The following CEP83 variants were observed in gnomAD, a reference collection of about 807,000 sequenced individuals.
CEP83 encodes the protein centrosomal protein 83.
A neutral mutation model predicts 101.9 loss-of-function variants in CEP83; 70 were observed. The ratio of observed to expected loss-of-function variants is 0.69; its 90% CI spans 0.57 to 0.84. The LOEUF is 0.84. CEP83 is among the 40% of genes least tolerant of loss of function. The pLI, the probability that CEP83 is intolerant of heterozygous loss-of-function variation, is 0.00. For synonymous variants in CEP83, 264 were observed against 267.9 expected, an observed-to-expected ratio of 0.99 and a Z score of 0.14; for missense variants, 715 against 787.2, an observed-to-expected ratio of 0.91 and a Z score of 1.10.
At chr12:94,435,135 CCT>C (rs1205655715) in intron 2 of CEP83, 138 bp downstream of exon 2, 1 of 152,186 alleles carries the variant, frequency 6.6e-6, no homozygotes, top group Non-Finnish European at 1.5e-5. Context: ...TAGTTCCTAA[CCT>C]CTCTCTGCTT....
chr12:94,357,263 G>A (rs2060521872), intron 11 of CEP83, among the ~76,000 whole-genome samples: 1 of 152,120 alleles, frequency 6.6e-6, no homozygotes, highest in African/African-American at 2.4e-5. Context: ...TACCTTGTTG[G>A]CACAGGCAAT....
the CEP83 span, among the ~76,000 whole-genome samples, chr12:94,281,457 C>T: frequency 5.9e-5 from 9 of 152,160 alleles, no homozygotes; most frequent in Admixed American, 1.3e-4. Flanking sequence ...GGAAAGGACT[C>T]GCCATCCAAG....
At chr12:94,344,652 C>T (rs1263703552) in intron 11 of CEP83, among the ~76,000 whole-genome samples, 1 of 151,938 alleles carries the variant, frequency 6.6e-6, no homozygotes, top group Admixed American at 6.6e-5. Flanking sequence ...ATGAAAACTG[C>T]AACACACTGA....
chr12:94,416,598 C>A (rs1373648763), intron 2 of CEP83, among the ~76,000 whole-genome samples: 1 of 151,048 alleles, frequency 6.6e-6, no homozygotes, highest in Non-Finnish European at 1.5e-5. Flanking sequence ...TGTAGTTCCA[C>A]CCCCATCCAC....
At chr12:94,384,303 T>C (rs183219819) in intron 6 of CEP83, among the ~76,000 whole-genome samples, 73 of 152,320 alleles carry the variant, frequency 4.8e-4, no homozygotes, top group Non-Finnish European at 8.7e-4. Context: ...AGAAATGAGC[T>C]AGTTTTCTAA....
the CEP83 span, chr12:94,279,941 C>T: frequency 6.4e-5 from 33 of 519,532 alleles, no homozygotes; most frequent in East Asian, 8.6e-4. Flanking sequence ...TGAGACTGCA[C>T]GGAATCACCT....
chr12:94,431,464 G>T (rs892330939), intron 2 of CEP83, among the ~76,000 whole-genome samples: 1 of 151,964 alleles, frequency 6.6e-6, no homozygotes. Flanking sequence ...AAACTAAAAA[G>T]CTTCAACACA....
chr12:94,268,509 T>C, the CEP83 span, among the ~76,000 whole-genome samples: 1 of 150,166 alleles, frequency 6.7e-6, no homozygotes, highest in African/African-American at 2.5e-5. Context: ...GCACCAGGGG[T>C]AGGGCTGTGC....
chr12:94,312,985 TC>T lies in CEP83; in HGVS notation c.1739del (p.Arg580AsnfsTer6). 1 of 1,574,528 alleles carries T rather than the reference TC, an allele frequency of 6.4e-7. No individual in the cohort carries two copies. Among genetic ancestry groups the T allele is most frequent in the Non-Finnish European group, 8.7e-7 (1 of 1,152,116 alleles). ...CCAAGACTTCTACTTTCTCTTGTAG[TC>T]TTTTCAATTTGTTTTCATGAAGAGA... is the stretch of plus-strand genomic sequence containing the variant. ...RKSLHENKLK[R>X]LQEKVEVLEA... On this transcript the variant is annotated frameshift_variant, in exon 15 of 17. Transcript: ENST00000397809. LOFTEE classifies it high-confidence loss of function.
intron 6 of CEP83, among the ~76,000 whole-genome samples, chr12:94,387,520 G>A (rs1407452792): frequency 1.3e-5 from 2 of 152,090 alleles, no homozygotes; most frequent in Admixed American, 6.6e-5. Flanking sequence ...GTGTCAAATG[G>A]CACCAGGGAC....
chr12:94,425,871 A>G (rs1428749254), intron 2 of CEP83, among the ~76,000 whole-genome samples: 3 of 152,226 alleles, frequency 2.0e-5, no homozygotes. Context: ...CTGTAATCCC[A>G]GCACTTTGGG....
intron 1 of CEP83, among the ~76,000 whole-genome samples, chr12:94,450,574 A>C (rs1421948760): frequency 6.6e-6 from 1 of 152,232 alleles, no homozygotes; most frequent in African/African-American, 2.4e-5. Flanking sequence ...TGTGCTAACA[A>C]TGAACAATTT....
At chr12:94,302,000 GA>G (rs1968516262), downstream of CEP83, among the ~76,000 whole-genome samples, 1 of 152,092 alleles carries the variant, frequency 6.6e-6, no homozygotes, top group African/African-American at 2.4e-5. Flanking sequence ...TCCCTACTGG[GA>G]TAACTGCTTC....
the CEP83 span, among the ~76,000 whole-genome samples, chr12:94,296,132 T>C: frequency 3.3e-5 from 5 of 152,296 alleles, no homozygotes; most frequent in Admixed American, 1.3e-4. Context: ...CTACTCCCCA[T>C]TTTCCATTAG....
chr12:94,279,799 G>A, the CEP83 span: 1 of 748,860 alleles, frequency 1.3e-6, no homozygotes, highest in Non-Finnish European at 2.4e-6. Flanking sequence ...ATGTCTAGGG[G>A]CCAAGAGACT....
At chr12:94,431,595 TAAA>T (rs572489191) in intron 2 of CEP83, among the ~76,000 whole-genome samples, 2 of 126,934 alleles carry the variant, frequency 1.6e-5, no homozygotes, top group Non-Finnish European at 1.7e-5. Flanking sequence ...AACTTAACGG[TAAA>T]AAAAAAAAAG....
rs572630385 is a variant in CEP83 at position 94,369,789 on chromosome 12, T to A, written c.1048+133A>T. ...CACTCAACATATAATAAACATTTCA[T>A]ATGTACTCCAAAATTAAAACTAAAT... On this transcript the variant is annotated intron_variant, in intron 9 of 16. Transcript: ENST00000397809. 8.6e-6 allele frequency: 5 copies of A among 584,770 alleles called. No individual in the cohort carries two copies. The South Asian group carries it at 1.2e-4, about 14-fold the overall frequency. The allele number at this position is 584,770 out of a possible 1,614,324, so 36.2% of individuals were successfully genotyped here. A position where few individuals can be genotyped will look rare whatever the true frequency, so the allele number is the denominator to read the frequency against.
chr12:94,371,745 G>A (rs149686793), intron 8 of CEP83, among the ~76,000 whole-genome samples: 7 of 152,152 alleles, frequency 4.6e-5, no homozygotes, highest in African/African-American at 1.7e-4. Context: ...AAGAGGGCAA[G>A]GATAAGAAAT....
At chr12:94,435,456 CAGAG>C (rs1387078585) in intron 1 of CEP83, 129 bp from the exon 2 acceptor site, 2 of 152,198 alleles carry the variant, frequency 1.3e-5, no homozygotes, top group African/African-American at 4.8e-5. Context: ...CACAAAAAAA[CAGAG>C]AGACAGACCC....
Sources: allele counts gnomAD v4.1 joint callset (sites outside exome capture counted in the v4.1 genomes callset), GRCh38; gene constraint gnomAD v4.1.1; transcripts MANE v1.5; gene names NCBI Gene and HGNC (gene_info 2026-07-23, HGNC 2026-07-21).